The following STAG1 variants were observed in gnomAD, a reference collection of about 807,000 sequenced individuals.
The protein encoded by STAG1 is cohesin subunit SA-1.
A neutral mutation model predicts 170.9 loss-of-function variants in STAG1; 26 were observed. The observed-to-expected ratio is 0.15, with a 90% CI of 0.11 to 0.21. STAG1 has a LOEUF of 0.21. STAG1 is among the 10% of genes least tolerant of loss of function. The probability of loss-of-function intolerance (pLI) is 1.00; values close to 1 mark genes in which losing one functional copy is unlikely to be tolerated. For synonymous variants in STAG1, 514 were observed against 497.7 expected, an observed-to-expected ratio of 1.03 and a Z score of -0.44; for missense variants, 964 against 1,509.5, an observed-to-expected ratio of 0.64 and a Z score of 5.99.
intron 3 of STAG1, among the ~76,000 whole-genome samples, chr3:136,608,477 G>A (rs1576661861): frequency 6.6e-6 from 1 of 150,598 alleles, no homozygotes; most frequent in South Asian, 2.1e-4. Flanking sequence ...TCTGCAGTGA[G>A]CCGTGATTAT....
At chr3:136,699,082 G>A (rs933996000) in intron 1 of STAG1, among the ~76,000 whole-genome samples, 2 of 152,176 alleles carry the variant, frequency 1.3e-5, no homozygotes, top group African/African-American at 4.8e-5. Flanking sequence ...AGGTTTGGAA[G>A]GGTGTGAGGG....
At chr3:136,437,945 A>T (rs2088506112) in intron 15 of STAG1, among the ~76,000 whole-genome samples, 1 of 152,224 alleles carries the variant, frequency 6.6e-6, no homozygotes, top group Non-Finnish European at 1.5e-5. Context: ...TGTTTATGAA[A>T]GGGATTTTTC....
intron 1 of STAG1, among the ~76,000 whole-genome samples, chr3:136,689,785 A>C (rs562957828): frequency 2.0e-5 from 3 of 152,260 alleles, no homozygotes; most frequent in South Asian, 2.1e-4. Flanking sequence ...TCATACCTGT[A>C]ATCTCAGCAC....
At chr3:136,551,663 A>C (rs1031877495) in intron 5 of STAG1, among the ~76,000 whole-genome samples, 4 of 151,694 alleles carry the variant, frequency 2.6e-5, no homozygotes, top group African/African-American at 9.7e-5. Flanking sequence ...CCCAGGCTGA[A>C]GTGCAGTGGC....
intron 14 of STAG1, among the ~76,000 whole-genome samples, chr3:136,444,672 T>A (rs1576471482): frequency 6.6e-6 from 1 of 152,226 alleles, no homozygotes; most frequent in African/African-American, 2.4e-5. Context: ...TTTCATTAAC[T>A]GTAATCTGTT....
At position 136,362,107 on chromosome 3, in the gene STAG1, G is replaced by A. The variant is rs186473399; in HGVS notation, c.2787+1259C>T. On this transcript the variant is annotated intron_variant, in intron 26 of 33. Transcript: ENST00000383202. ...AGAGTAGCTGAGATTACAGGCACCC[G>A]CCACCACGCTTGGCTAATTTTTTGT... Among the ~76,000 whole-genome samples, 328 of 151,584 alleles carry A rather than the reference G, an allele frequency of 2.2e-3. 4 individuals are homozygous for A. Among genetic ancestry groups the A allele is most frequent in the African/African-American group, 7.7e-3 (319 of 41,346 alleles).
chr3:136,428,353 G>A (rs2088195094), intron 16 of STAG1, among the ~76,000 whole-genome samples: 1 of 152,204 alleles, frequency 6.6e-6, no homozygotes, highest in African/African-American at 2.4e-5. Context: ...CACTGACGCT[G>A]TAAAGTCCCT....
intron 7 of STAG1, chr3:136,518,372 G>A (rs536583008): frequency 2.7e-5 from 19 of 700,482 alleles, no homozygotes; most frequent in Non-Finnish European, 4.7e-5. Flanking sequence ...TGAAGCAGAG[G>A]ATTAAATGTT....
At chr3:136,421,605 T>C (rs922279940) in intron 19 of STAG1, among the ~76,000 whole-genome samples, 2 of 151,966 alleles carry the variant, frequency 1.3e-5, no homozygotes, top group Non-Finnish European at 1.5e-5. Context: ...CACAGAGAAC[T>C]ATGGAAATTC....
intron 5 of STAG1, among the ~76,000 whole-genome samples, chr3:136,567,340 C>T (rs537956754): frequency 6.6e-6 from 1 of 152,324 alleles, no homozygotes; most frequent in East Asian, 1.9e-4. Context: ...TAATCTCTTG[C>T]CAATCCTCAC....
At chr3:136,470,214 G>C (rs1402196391) in intron 12 of STAG1, among the ~76,000 whole-genome samples, 1 of 152,120 alleles carries the variant, frequency 6.6e-6, no homozygotes, top group Admixed American at 6.5e-5. Flanking sequence ...CAGAATGGGA[G>C]AAAATTTTCA....
At chr3:136,645,578 C>A (rs1005470087) in intron 1 of STAG1, among the ~76,000 whole-genome samples, 12 of 152,158 alleles carry the variant, frequency 7.9e-5, no homozygotes, top group Non-Finnish European at 5.9e-5. Flanking sequence ...ACTGTCCATG[C>A]TGTTCATAGC....
At chr3:136,474,167 G>C (rs893435807) in intron 10 of STAG1, among the ~76,000 whole-genome samples, 2 of 152,142 alleles carry the variant, frequency 1.3e-5, no homozygotes, top group Non-Finnish European at 1.5e-5. Flanking sequence ...TTTATTAGTG[G>C]AATGTCTTTA....
chr3:136,687,583 A>G (rs1942575182), intron 1 of STAG1, among the ~76,000 whole-genome samples: 1 of 152,146 alleles, frequency 6.6e-6, no homozygotes, highest in Non-Finnish European at 1.5e-5. Context: ...AATTTGTTAT[A>G]AAGTAAACTA....
chr3:136,668,386 T>TATATATTATGTATA (rs1941875005), intron 1 of STAG1, among the ~76,000 whole-genome samples: 1 of 146,142 alleles, frequency 6.8e-6, no homozygotes. Flanking sequence ...ATACATAATA[T>TATATATTATGTATA]ATAAAATATA....
intron 14 of STAG1, among the ~76,000 whole-genome samples, chr3:136,447,950 T>A (rs2088832019): frequency 1.3e-5 from 2 of 152,238 alleles, no homozygotes; most frequent in South Asian, 4.1e-4. Flanking sequence ...TCTAGAGTCA[T>A]ACTACCTCTA....
chr3:136,543,229 A>G (rs763744859), intron 5 of STAG1, among the ~76,000 whole-genome samples: 2 of 152,216 alleles, frequency 1.3e-5, no homozygotes, highest in Non-Finnish European at 2.9e-5. Context: ...TTTGAACTAC[A>G]TGAATATATT....
chr3:136,721,344 AT>A, intron 1 of STAG1: 1 of 152,326 alleles, frequency 6.6e-6, no homozygotes, highest in East Asian at 1.9e-4. Flanking sequence ...AATCATTTTA[AT>A]TTTATATGTA....
chr3:136,724,044 C>T (rs62361990), intron 1 of STAG1, among the ~76,000 whole-genome samples: 8 of 151,706 alleles, frequency 5.3e-5, no homozygotes, highest in Admixed American at 3.9e-4. Flanking sequence ...TCTGCCCGGC[C>T]GCCCCTACTG....
Sources: gnomAD v4.1 joint callset for allele counts (sites outside exome capture counted in the v4.1 genomes callset) on GRCh38, gnomAD v4.1.1 for gene constraint, MANE v1.5 for transcripts, NCBI Gene and HGNC (gene_info 2026-07-23, HGNC 2026-07-21) for gene names.